Variants in LMNA observed in about 807,000 individuals in gnomAD.
The protein encoded by LMNA is lamin.
Under a neutral mutation model 70.4 loss-of-function variants are expected in LMNA, and 20 were observed. The ratio of observed to expected loss-of-function variants is 0.28; its 90% confidence interval spans 0.20 to 0.41. The LOEUF (loss-of-function observed/expected upper bound fraction) is 0.41. Ranked by LOEUF, LMNA falls within the 10% of genes least tolerant of loss-of-function variation. LMNA has a pLI of 1.00. For missense variants in LMNA, 652 were observed against 917.2 expected, an observed-to-expected ratio of 0.71 and a Z score of 3.73; for synonymous variants, 339 against 372.8, an observed-to-expected ratio of 0.91 and a Z score of 1.04.
rs915067455 is a variant in LMNA, at chr1:156,137,958, G to A, written c.1698+215G>A. The A allele has an allele frequency of 1.0e-6, 1 of 969,998 alleles. No homozygotes were observed. The highest frequency in any genetic ancestry group is 1.5e-6 in the Non-Finnish European group (1 of 672,778). 60.1% of individuals were successfully genotyped at this position (969,998 alleles called of 1,614,324 possible). A position where few individuals can be genotyped will look rare whatever the true frequency, so the allele number is the denominator to read the frequency against. The stretch of plus-strand genomic sequence containing the variant: ...GCCCTACTCTGGTAAGGAAGGGAGT[G>A]GGAACTTTCTGATGCCATGGAATAT... On this transcript the variant is annotated intron_variant, in intron 10 of 11. Transcript: ENST00000368300. This position sits in a 1 kb window ranked among gnomAD's most constrained non-coding sequence, Gnocchi z 4.6.
At chr1:156,123,488 A>G (rs1054447700) in intron 1 of LMNA, 1 of 152,150 alleles carries the variant, frequency 6.6e-6, no homozygotes, top group Non-Finnish European at 1.5e-5. Context: ...CCAGATAGAG[A>G]GTTAAGGGGC....
intron 1 of LMNA, among the ~76,000 whole-genome samples, chr1:156,124,225 G>A: frequency 6.6e-6 from 1 of 152,106 alleles, no homozygotes; most frequent in East Asian, 1.9e-4. Flanking sequence ...CACAGGTTGG[G>A]GTTTGGGGAA....
At chr1:156,126,769 T>G in intron 1 of LMNA, 1 of 1,587,702 alleles carries the variant, frequency 6.3e-7, no homozygotes, top group Non-Finnish European at 8.6e-7. Flanking sequence ...AGAAACAGGA[T>G]GCCCAGCCCT....
intron 1 of LMNA, 144 bp from the exon 2 acceptor site, chr1:156,130,473 C>A: frequency 2.2e-6 from 2 of 920,922 alleles, no homozygotes; most frequent in South Asian, 1.4e-5. Context: ...CAAGCAGATG[C>A]AAACCAACCT....
At position 156,138,895 on chromosome 1, in the gene LMNA, C is replaced by A; in HGVS notation, c.1968+138C>A. ...GGGAGTGGGAGCCTCCTCCCCACAG[C>A]CTGAGTCCTAGACAGCCCACCTCTG... On this transcript the variant is annotated intron_variant, in intron 11 of 11. Coordinates refer to ENST00000368300, the MANE Select transcript of LMNA (RefSeq NM_170707.4). The surrounding 1 kb of genome is among the most constrained non-coding windows in gnomAD (Gnocchi z 5.5). The A allele has an allele frequency of 7.4e-7, 1 of 1,343,882 alleles. No individual in the cohort carries two copies. The highest frequency in any genetic ancestry group is 1.1e-6 in the Non-Finnish European group (1 of 952,102). The allele number at this position is 1,343,882 out of a possible 1,614,324, so 83.2% of individuals were successfully genotyped here.
chr1:156,117,179 C>T (rs1269781248), intron 1 of LMNA, among the ~76,000 whole-genome samples: 1 of 150,882 alleles, frequency 6.6e-6, no homozygotes, highest in Non-Finnish European at 1.5e-5. Flanking sequence ...ATCCACCTGC[C>T]TCGGCCTCCC....
chr1:156,121,293 C>G (rs904293214), intron 1 of LMNA, among the ~76,000 whole-genome samples: 1 of 152,004 alleles, frequency 6.6e-6, no homozygotes, highest in South Asian at 2.1e-4. Context: ...AAGCAGTCCA[C>G]CCACCTTGAC....
chr1:156,131,704 C>T (rs990635189), intron 2 of LMNA, among the ~76,000 whole-genome samples: 3 of 152,210 alleles, frequency 2.0e-5, no homozygotes, highest in African/African-American at 7.2e-5. Context: ...ATACAAGGGC[C>T]TCCTATAGGC....
intron 1 of LMNA, among the ~76,000 whole-genome samples, chr1:156,121,235 G>C (rs933133477): frequency 2.6e-5 from 4 of 151,612 alleles, no homozygotes; most frequent in African/African-American, 9.7e-5. Context: ...TTTTAGTAGA[G>C]ACCAGGTTTC....
intron 3 of LMNA, among the ~76,000 whole-genome samples, chr1:156,104,439 G>T (rs1428921391): frequency 1.3e-5 from 2 of 152,040 alleles, no homozygotes; most frequent in Admixed American, 6.5e-5. Flanking sequence ...TCTCCCCTCT[G>T]TTCAGTTCCC....
Position 156,137,160 on chromosome 1 carries a change from G to T in LMNA, c.1536G>T (p.Leu512=), listed in dbSNP as rs1208359364. ...CCACCCACAGCCCCCCTACCGACCT[G>T]GTGTGGAAGGCACAGAACACCTGGG... ...AGATHSPPTD[L]VWKAQNTWGC... Residue 512 remains leucine, a synonymous_variant, in exon 9 of 12, where the codon CTG becomes CTT. Transcript: ENST00000368300. This position sits in a 1 kb window ranked among gnomAD's most constrained non-coding sequence, Gnocchi z 4.6. 1.2e-6 allele frequency: 2 copies of T among 1,612,302 alleles called. No individual in the cohort carries two copies. Among genetic ancestry groups the T allele is most frequent in the African/African-American group, 1.3e-5 (1 of 74,908 alleles).
At position 156,136,355 on chromosome 1, in the gene LMNA, C is replaced by T. The variant is rs61217436; in HGVS notation, c.1299C>T (p.His433=). ...STESRSSFSQ[H]ARTSGRVAVE... ...AGAGCCGCAGCAGCTTCTCACAGCA[C>T]GCACGCACTAGCGGGCGCGTGGCCG... Residue 433 remains histidine, a synonymous_variant, in exon 7 of 12, where the codon CAC becomes CAT. Transcript: ENST00000368300. The surrounding 1 kb of genome is among the most constrained non-coding windows in gnomAD (Gnocchi z 6.1). 99 of 1,612,214 alleles carry T rather than the reference C, an allele frequency of 6.1e-5. No homozygotes were observed. The highest frequency in any genetic ancestry group is 4.4e-4 in the South Asian group (40 of 91,004).
intron 2 of LMNA, among the ~76,000 whole-genome samples, chr1:156,131,702 G>A (rs1292932203): frequency 6.6e-6 from 1 of 152,208 alleles, no homozygotes; most frequent in Non-Finnish European, 1.5e-5. Flanking sequence ...GTATACAAGG[G>A]CCTCCTATAG....
At position 156,106,111 on chromosome 1, in the gene LMNA, G is replaced by A. The variant is rs566667716; in HGVS notation, c.-206-8602G>A. Among the ~76,000 whole-genome samples the A allele has an allele frequency of 9.2e-5, 14 of 151,912 alleles. No individual in the cohort carries two copies. In the East Asian group the frequency reaches 2.5e-3, roughly 27 times the overall value. ...GATCGCGCCACTACACTCCAGCCTG[G>A]GAGACACAGCGAGACTCCGTCTCAA... On this transcript the variant is annotated intron_variant, in intron 3 of 12. Transcript: ENST00000368301.
intron 2 of LMNA, among the ~76,000 whole-genome samples, chr1:156,132,367 G>T (rs896172672): frequency 6.6e-6 from 1 of 152,030 alleles, no homozygotes; most frequent in African/African-American, 2.4e-5. Context: ...CTACTTGGGA[G>T]GCTGAGGCAG....
intron 2 of LMNA, among the ~76,000 whole-genome samples, chr1:156,084,580 C>G (rs539780377): frequency 6.6e-6 from 1 of 152,250 alleles, no homozygotes; most frequent in Non-Finnish European, 1.5e-5. Context: ...CTATTTCTGC[C>G]TCTTGTCCCC....
rs564271637 is a variant in LMNA at position 156,124,522 on chromosome 1, C to T, written c.357-6095C>T. ...CAGGATGGTCTCAAACTCCTGACCT[C>T]GTGATCCACCCACCTTGGCCTCCCA... On this transcript the variant is annotated intron_variant, in intron 1 of 11. Coordinates refer to ENST00000368300, the MANE Select transcript of LMNA (RefSeq NM_170707.4). 1.6e-4 allele frequency among the ~76,000 whole-genome samples: 25 copies of T among 152,268 alleles called. No homozygotes were observed. In the South Asian group the frequency reaches 5.0e-3, roughly 30 times the overall value.
In LMNA at chr1:156,138,540, G is replaced by A. The variant is rs56657623; in HGVS notation, c.1751G>A (p.Arg584His). ...CCCGCTGAGTACAACCTGCGCTCGC[G>A]CACCGTGCTGTGCGGGACCTGCGGG... The part of the protein sequence containing the change: ...GDPAEYNLRS[R>H]TVLCGTCGQP... The change falls in exon 11 of 12, where the codon CGC becomes CAC. Residue 584 changes from arginine (R) to histidine (H), a missense_variant. Physicochemically the swap from Arg to His is conservative, Grantham distance 29 (BLOSUM62 0). Transcript: ENST00000368300. This position sits in a 1 kb window ranked among gnomAD's most constrained non-coding sequence, Gnocchi z 5.5. The A allele has an allele frequency of 1.9e-5, 30 of 1,612,456 alleles. No individual in the cohort carries two copies. The highest frequency in any genetic ancestry group is 2.7e-5 in the African/African-American group (2 of 74,922).
intron 3 of LMNA, among the ~76,000 whole-genome samples, chr1:156,099,713 C>A (rs1649070563): frequency 6.6e-6 from 1 of 151,848 alleles, no homozygotes; most frequent in Non-Finnish European, 1.5e-5. Flanking sequence ...GAAAACCCTA[C>A]AGAGTCTACT....
Sources: allele counts gnomAD v4.1 joint callset (sites outside exome capture counted in the v4.1 genomes callset), GRCh38; gene constraint gnomAD v4.1.1; non-coding constraint Gnocchi (gnomAD v3.1); transcripts MANE v1.5; gene names NCBI Gene and HGNC (gene_info 2026-07-23, HGNC 2026-07-21).